The following MRAP2 variants were observed in gnomAD, a reference collection of about 807,000 sequenced individuals.
The protein encoded by MRAP2 is melanocortin 2 receptor accessory protein 2.
MRAP2 carries 20 observed loss-of-function variants against 17.4 expected under a neutral mutation model. The observed-to-expected ratio is 1.15, with a 90% confidence interval of 0.81 to 1.67. The LOEUF (loss-of-function observed/expected upper bound fraction) is 1.67, where lower values mean the gene tolerates loss of function less well. Among genes scored for constraint, MRAP2 ranks in the 40% most tolerant of loss-of-function variants. The pLI is 0.00. For synonymous variants in MRAP2, 96 were observed against 88.4 expected, an observed-to-expected ratio of 1.09 and a Z score of -0.48; for missense variants, 238 against 240.0, an observed-to-expected ratio of 0.99 and a Z score of 0.05.
At chr6:84,094,947 A>G (rs2099502415), downstream of MRAP2, among the ~76,000 whole-genome samples, 1 of 152,198 alleles carries the variant, frequency 6.6e-6, no homozygotes, top group African/African-American at 2.4e-5. Flanking sequence ...AGGCTACTCA[A>G]GGCAATCTAG....
the MRAP2 span, among the ~76,000 whole-genome samples, chr6:84,133,302 A>T: frequency 2.6e-5 from 4 of 152,138 alleles, no homozygotes; most frequent in African/African-American, 9.7e-5. Flanking sequence ...AGGCTACTCA[A>T]GTGTCAGGGA....
At chr6:84,097,509 CAT>C in the MRAP2 span, among the ~76,000 whole-genome samples, 7 of 152,046 alleles carry the variant, frequency 4.6e-5, no homozygotes, top group African/African-American at 1.7e-4. Context: ...GAACTGGAAA[CAT>C]GTTATTTATT....
rs144859571 is a variant in MRAP2, at chr6:84,052,183, G to A, written c.-7-3129G>A. 3.5e-3 allele frequency among the ~76,000 whole-genome samples: 531 copies of A among 152,072 alleles called. 1 individual carries two copies. Among genetic ancestry groups the A allele is most frequent in the African/African-American group, 0.012 (499 of 41,476 alleles). On this transcript the variant is annotated intron_variant, in intron 1 of 3. Transcript: ENST00000257776. ...TCTGACATTAAGAAAATCTCGGTGC[G>A]GAGAGGGTGGTTCTCAGGAGTGGCA...
the MRAP2 span, among the ~76,000 whole-genome samples, chr6:84,114,982 C>T: frequency 6.6e-6 from 1 of 152,166 alleles, no homozygotes; most frequent in African/African-American, 2.4e-5. Context: ...AGATGCCAGC[C>T]AGAGCTCTCC....
At chr6:84,036,641 C>T (rs577288872) in intron 1 of MRAP2, among the ~76,000 whole-genome samples, 1 of 152,162 alleles carries the variant, frequency 6.6e-6, no homozygotes, top group Admixed American at 6.5e-5. Context: ...GAGGGAAAGA[C>T]CAAAGCTTCC....
chr6:84,120,543 T>C, the MRAP2 span, among the ~76,000 whole-genome samples: 5 of 152,298 alleles, frequency 3.3e-5, no homozygotes, highest in East Asian at 1.9e-4. Flanking sequence ...TTGTAACAAA[T>C]AGCTTTTAGA....
At chr6:84,107,161 G>A in the MRAP2 span, among the ~76,000 whole-genome samples, 1 of 152,008 alleles carries the variant, frequency 6.6e-6, no homozygotes, top group Non-Finnish European at 1.5e-5. Context: ...TGTTGGAGAG[G>A]CTTCTCCTAT....
At chr6:84,058,192 G>A (rs1183895880) in intron 2 of MRAP2, among the ~76,000 whole-genome samples, 5 of 152,226 alleles carry the variant, frequency 3.3e-5, no homozygotes, top group Non-Finnish European at 7.3e-5. Context: ...CAACTGCGGA[G>A]TGAAAGGCAT....
intron 3 of MRAP2, among the ~76,000 whole-genome samples, chr6:84,088,318 A>T (rs1352640340): frequency 6.6e-6 from 1 of 152,162 alleles, no homozygotes; most frequent in East Asian, 1.9e-4. Flanking sequence ...TCTTTCACGC[A>T]CTTGTGGGAC....
the MRAP2 span, chr6:84,124,291 C>T: frequency 1.3e-5 from 2 of 151,866 alleles, no homozygotes; most frequent in Non-Finnish European, 2.9e-5. Flanking sequence ...TTTACAATAG[C>T]AAATTCATGG....
chr6:84,099,327 A>AT, the MRAP2 span, among the ~76,000 whole-genome samples: 6 of 151,260 alleles, frequency 4.0e-5, no homozygotes, highest in Non-Finnish European at 7.4e-5. Flanking sequence ...TTATTTTTAA[A>AT]TTTTTTTTAC....
In MRAP2 at chr6:84,052,844, C is replaced by G. The variant is rs73752612; in HGVS notation, c.-7-2468C>G. Reference sequence around the variant, plus strand: ...TTTGTCAGAGCTTTGCTCCTCTCTTCCCACCTTCAGGACTTTTGCACATGT... The same window carrying G: ...TTTGTCAGAGCTTTGCTCCTCTCTTGCCACCTTCAGGACTTTTGCACATGT... On this transcript the variant is annotated intron_variant, in intron 1 of 3. Coordinates refer to ENST00000257776, the MANE Select transcript of MRAP2 (RefSeq NM_138409.4). 1.7e-3 allele frequency: 1,666 copies of G among 977,222 alleles called. 19 individuals carry two copies. The African/African-American group carries it at 0.026, about 15-fold the overall frequency. The allele number at this position is 977,222 out of a possible 1,614,324, so 60.5% of individuals were successfully genotyped here.
the MRAP2 span, among the ~76,000 whole-genome samples, chr6:84,132,504 T>C: frequency 2.1e-4 from 32 of 152,354 alleles, no homozygotes; most frequent in African/African-American, 7.5e-4. Context: ...TTTGGTCTTT[T>C]CACATAGTCC....
At position 84,056,571 on chromosome 6, in the gene MRAP2, ATC is replaced by A. The variant is rs1248014068; in HGVS notation, c.127+1128_127+1129del. Among the ~76,000 whole-genome samples the A allele has an allele frequency of 8.5e-5, 13 of 152,364 alleles. No individual in the cohort carries two copies. In the East Asian group the frequency reaches 2.5e-3, roughly 29 times the overall value. On this transcript the variant is annotated intron_variant, in intron 2 of 3. Transcript: ENST00000257776. The stretch of plus-strand genomic sequence containing the variant: ...TTATCAAGGTATGCTGTCATTGATT[ATC>A]TGAGAGAAGGCTGTTGGGTGTGAAA...
chr6:84,093,603 G>A (rs1229426006), downstream of MRAP2, among the ~76,000 whole-genome samples: 1 of 150,930 alleles, frequency 6.6e-6, no homozygotes, highest in Non-Finnish European at 1.5e-5. Flanking sequence ...TGCTCCCTGA[G>A]GGTAGTATGT....
the MRAP2 span, among the ~76,000 whole-genome samples, chr6:84,139,692 A>C: frequency 0.087 from 13,202 of 152,204 alleles, 1,473 homozygotes; most frequent in African/African-American, 0.26. Context: ...AAGGAAGGTA[A>C]AATTTTTCCT....
chr6:84,066,589 A>G (rs2099494758), intron 3 of MRAP2, among the ~76,000 whole-genome samples: 1 of 152,356 alleles, frequency 6.6e-6, no homozygotes. Flanking sequence ...TACAACATTG[A>G]AAATAATAAG....
At chr6:84,065,291 A>G (rs998998595) in intron 3 of MRAP2, among the ~76,000 whole-genome samples, 1 of 152,112 alleles carries the variant, frequency 6.6e-6, no homozygotes, top group African/African-American at 2.4e-5. Flanking sequence ...TCTCAAAAAA[A>G]AAAAAAATTT....
At chr6:84,142,807 T>C in the MRAP2 span, among the ~76,000 whole-genome samples, 3 of 152,258 alleles carry the variant, frequency 2.0e-5, no homozygotes, top group East Asian at 3.9e-4. Context: ...CATTATTCCA[T>C]GTATATTAAG....
Sources: gnomAD v4.1 joint callset for allele counts (sites outside exome capture counted in the v4.1 genomes callset) on GRCh38, gnomAD v4.1.1 for gene constraint, MANE v1.5 for transcripts, NCBI Gene and HGNC (gene_info 2026-07-23, HGNC 2026-07-21) for gene names.